PSPC1: variants seen among roughly 807,000 people sequenced by gnomAD.
PSPC1 encodes paraspeckle protein 1.
Under a neutral mutation model 51.6 loss-of-function variants are expected in PSPC1, and 14 were observed. The observed-to-expected ratio is 0.27, with a 90% confidence interval of 0.18 to 0.42. The LOEUF is 0.42. Among genes scored for constraint, PSPC1 ranks in the 10% least tolerant of loss-of-function variants. The pLI, the probability that PSPC1 is intolerant of heterozygous loss-of-function variation, is 1.00. For synonymous variants in PSPC1, 193 were observed against 231.9 expected (o/e 0.83, Z 1.53); for missense variants, 406 against 701.1 (o/e 0.58, Z 4.75).
intron 2 of PSPC1, among the ~76,000 whole-genome samples, chr13:19,760,985 C>T (rs1887558778): frequency 6.6e-6 from 1 of 150,966 alleles, no homozygotes; most frequent in East Asian, 1.9e-4. Context: ...GAAACTCCGT[C>T]TCAAATTAAA....
At chr13:19,780,428 G>C (rs532204041) in intron 1 of PSPC1, among the ~76,000 whole-genome samples, 1 of 67,910 alleles carries the variant, frequency 1.5e-5, no homozygotes, top group African/African-American at 3.7e-5. Flanking sequence ...TGTGTAGAAA[G>C]AAGTAGACAT....
intron 4 of PSPC1, among the ~76,000 whole-genome samples, chr13:19,749,055 C>CA (rs1451283875): frequency 7.3e-5 from 11 of 151,570 alleles, no homozygotes; most frequent in Non-Finnish European, 1.2e-4. Flanking sequence ...ACTAAAAATA[C>CA]AAAAAAACTG....
chr13:19,746,065 G>A (rs188170094), intron 4 of PSPC1, among the ~76,000 whole-genome samples: 1,526 of 149,554 alleles, frequency 0.01, 26 homozygotes, highest in African/African-American at 0.036. Flanking sequence ...GAGTGCGGTG[G>A]TGCGATCTTG....
chr13:19,698,655 A>G (rs1020808251), downstream of PSPC1, among the ~76,000 whole-genome samples: 2 of 151,894 alleles, frequency 1.3e-5, no homozygotes, highest in African/African-American at 4.8e-5. Context: ...GCAGAATACC[A>G]TCTCTTTTAA....
chr13:19,751,206 G>C, intron 4 of PSPC1, 65 bp downstream of exon 4: 1 of 1,320,614 alleles, frequency 7.6e-7, no homozygotes, highest in Non-Finnish European at 1.0e-6. Context: ...AGTAGTACAT[G>C]AATGGTACAC....
chr13:19,738,736 T>C (rs548152181), intron 5 of PSPC1, among the ~76,000 whole-genome samples: 1 of 151,648 alleles, frequency 6.6e-6, no homozygotes, highest in Non-Finnish European at 1.5e-5. Context: ...TGAAACCCCG[T>C]CTCTACTAAA....
At chr13:19,732,633 T>C (rs750498966) in intron 5 of PSPC1, among the ~76,000 whole-genome samples, 19 of 152,100 alleles carry the variant, frequency 1.2e-4, no homozygotes, top group Non-Finnish European at 2.5e-4. Context: ...TGAGGATACA[T>C]AGAAAAACTT....
chr13:19,714,799 C>T (rs1881894079), intron 6 of PSPC1, among the ~76,000 whole-genome samples: 1 of 151,798 alleles, frequency 6.6e-6, no homozygotes. Context: ...CCAGCCAACC[C>T]AATTAATTTC....
rs1888842107 is a variant in PSPC1 at position 19,773,841 on chromosome 13, T to A, written c.373-1298A>T. Among the ~76,000 whole-genome samples, 2 of 151,872 alleles carry A rather than the reference T, an allele frequency of 1.3e-5. 1 individual carries two copies. The highest frequency in any genetic ancestry group is 4.2e-4 in the South Asian group (2 of 4,818). On this transcript the variant is annotated intron_variant, in intron 1 of 8. Transcript: ENST00000338910. ...CTAATTTTTTAATTTTCTGTAGAGA[T>A]GGGGGGGTCTCACTATATTCCCCAT...
chr13:19,748,953 T>C (rs1256950940), intron 4 of PSPC1, among the ~76,000 whole-genome samples: 1 of 151,878 alleles, frequency 6.6e-6, no homozygotes, highest in East Asian at 1.9e-4. Context: ...CTCATATCTG[T>C]AATCCCAGCA....
intron 3 of PSPC1, among the ~76,000 whole-genome samples, chr13:19,759,081 T>C (rs1031967508): frequency 6.6e-6 from 1 of 151,152 alleles, no homozygotes; most frequent in East Asian, 1.9e-4. Flanking sequence ...ACGTGGGAGG[T>C]AGAGATTACA....
rs183049698 is a variant in PSPC1 at position 19,721,402 on chromosome 13, A to T, written c.1158+8837T>A. Reference sequence around the variant, plus strand: ...TCTCCGATTGCTCAAAAAAGAGTTAACATTAGCTAAAAAATCTTACCATTC... The same window carrying T: ...TCTCCGATTGCTCAAAAAAGAGTTATCATTAGCTAAAAAATCTTACCATTC... On this transcript the variant is annotated intron_variant, in intron 6 of 8. Coordinates refer to ENST00000338910, the MANE Select transcript of PSPC1 (RefSeq NM_001354909.2). 7.2e-5 allele frequency among the ~76,000 whole-genome samples: 11 copies of T among 152,318 alleles called. No homozygotes were observed. In the East Asian group the frequency reaches 2.1e-3, roughly 29 times the overall value.
At chr13:19,741,533 A>C (rs1423582195) in intron 5 of PSPC1, 32 bp downstream of exon 5, 2 of 1,436,564 alleles carry the variant, frequency 1.4e-6, no homozygotes, top group Non-Finnish European at 1.9e-6. Flanking sequence ...TAAGACATAC[A>C]ATTCATGTTT....
intron 6 of PSPC1, among the ~76,000 whole-genome samples, chr13:19,721,992 T>C (rs916809202): frequency 3.3e-5 from 5 of 152,222 alleles, no homozygotes; most frequent in African/African-American, 1.2e-4. Context: ...TAGTGATCCA[T>C]ACAGACTGAA....
intron 6 of PSPC1, among the ~76,000 whole-genome samples, chr13:19,722,112 C>T (rs543069812): frequency 6.6e-6 from 1 of 152,220 alleles, no homozygotes; most frequent in South Asian, 2.1e-4. Context: ...AAATTCGTGA[C>T]CTCGAAAAAT....
intron 6 of PSPC1, among the ~76,000 whole-genome samples, chr13:19,695,066 A>G (rs1879043877): frequency 1.3e-5 from 2 of 152,220 alleles, no homozygotes; most frequent in South Asian, 4.1e-4. Flanking sequence ...AGAGGGTTTC[A>G]AGCACTGCTA....
intron 5 of PSPC1, among the ~76,000 whole-genome samples, chr13:19,739,040 T>C (rs1222562748): frequency 1.3e-5 from 2 of 152,168 alleles, no homozygotes; most frequent in East Asian, 1.9e-4. Context: ...CAAAAGACTG[T>C]AGGTACTAAT....
chr13:19,721,217 G>T (rs1882729645), intron 6 of PSPC1, among the ~76,000 whole-genome samples: 1 of 152,078 alleles, frequency 6.6e-6, no homozygotes, highest in African/African-American at 2.4e-5. Flanking sequence ...AAGTCACAAA[G>T]CAGAAGTAAC....
intron 2 of PSPC1, among the ~76,000 whole-genome samples, chr13:19,765,915 AT>A (rs1043958556): frequency 6.6e-6 from 1 of 152,062 alleles, no homozygotes. Flanking sequence ...TTCTTAAAGA[AT>A]TTTTTTTGTC....
Sources: gnomAD v4.1 joint callset for allele counts (sites outside exome capture counted in the v4.1 genomes callset) on GRCh38, gnomAD v4.1.1 for gene constraint, MANE v1.5 for transcripts, NCBI Gene and HGNC (gene_info 2026-07-23, HGNC 2026-07-21) for gene names.